Variants in CSMD1 observed in about 807,000 individuals in gnomAD.
The protein encoded by CSMD1 is CUB and sushi domain-containing protein 1.
In CSMD1, 213 loss-of-function variants were observed where a neutral mutation model predicts 417.5. The observed-to-expected ratio is 0.51, with a 90% CI of 0.46 to 0.57. The LOEUF is 0.57. Ranked by LOEUF, CSMD1 falls within the 20% of genes least tolerant of loss-of-function variation. The pLI is 0.00. For synonymous variants in CSMD1, 2,862 were observed against 1,736.8 expected (o/e 1.65, Z -16.11); for missense variants, 6,923 against 4,529.7 (o/e 1.53, Z -15.17).
chr8:4,907,500 T>G (rs908275042), intron 1 of CSMD1, among the ~76,000 whole-genome samples: 19 of 144,970 alleles, frequency 1.3e-4, no homozygotes, highest in Non-Finnish European at 3.0e-5. Flanking sequence ...TCATAACATC[T>G]TACTAGAATT....
At chr8:4,665,886 G>A (rs1358891226) in intron 1 of CSMD1, among the ~76,000 whole-genome samples, 2 of 152,158 alleles carry the variant, frequency 1.3e-5, no homozygotes, top group Non-Finnish European at 2.9e-5. Context: ...AGACCTTGCA[G>A]GATTGTATAG....
At chr8:4,555,259 T>C (rs942961697) in intron 2 of CSMD1, among the ~76,000 whole-genome samples, 12 of 152,132 alleles carry the variant, frequency 7.9e-5, no homozygotes, top group Middle Eastern at 6.3e-3. Flanking sequence ...AGGAGATGGC[T>C]GTTCGGTCAG....
At chr8:3,922,686 T>A (rs990268988) in intron 5 of CSMD1, among the ~76,000 whole-genome samples, 1 of 152,196 alleles carries the variant, frequency 6.6e-6, no homozygotes, top group Non-Finnish European at 1.5e-5. Flanking sequence ...TCCAAATCTG[T>A]ATTTTATGTT....
rs185165106 is a variant in CSMD1, at chr8:4,142,299, A to G, written c.416-110200T>C. ...GTATAAGGTAATGTTTCATGCTCCC[A>G]AAGATTTGCTATCTTTATCCACCTC... On this transcript the variant is annotated intron_variant, in intron 3 of 69. Transcript: ENST00000635120. Among the ~76,000 whole-genome samples, 1,465 of 151,206 alleles carry G rather than the reference A, an allele frequency of 9.7e-3. 12 individuals are homozygous for G. Among genetic ancestry groups the G allele is most frequent in the Non-Finnish European group, 0.016 (1,082 of 68,004 alleles).
chr8:4,805,002 A>G (rs12679612), intron 1 of CSMD1, among the ~76,000 whole-genome samples: 20,657 of 152,148 alleles, frequency 0.14, 1,885 homozygotes, highest in African/African-American at 0.26. Context: ...GGATTAATTT[A>G]AATCTAGTAG....
chr8:4,789,015 G>C (rs77531538), intron 1 of CSMD1, among the ~76,000 whole-genome samples: 6,782 of 152,144 alleles, frequency 0.045, 530 homozygotes, highest in African/African-American at 0.16. Context: ...CTTGAAATCA[G>C]ACTACCAGGG....
At chr8:3,958,835 T>C (rs1054013479) in intron 5 of CSMD1, among the ~76,000 whole-genome samples, 5 of 152,152 alleles carry the variant, frequency 3.3e-5, no homozygotes, top group African/African-American at 9.7e-5. Context: ...GCAGAGGAAA[T>C]TGTGTAGTAG....
At chr8:3,783,886 G>T (rs549627709) in intron 5 of CSMD1, among the ~76,000 whole-genome samples, 1 of 147,238 alleles carries the variant, frequency 6.8e-6, no homozygotes, top group Non-Finnish European at 1.5e-5. Context: ...ACTAGACTCG[G>T]CCATGGTTGT....
Position 3,092,903 on chromosome 8 carries a change from A to G in CSMD1, c.7139-1241T>C, listed in dbSNP as rs80212573. ...TATGGACTGGGAGAATGCAGCTCTC[A>G]TTGTTGTTCATAATACAAATGCTAT... On this transcript the variant is annotated intron_variant, in intron 47 of 69. Coordinates refer to ENST00000635120, the MANE Select transcript of CSMD1 (RefSeq NM_033225.6). Among the ~76,000 whole-genome samples, 4 of 71,786 alleles carry G rather than the reference A, an allele frequency of 5.6e-5. No individual in the cohort carries two copies. The East Asian group carries it at 1.3e-3, about 24-fold the overall frequency. The allele number at this position is 71,786 out of a possible 152,430, so 47.1% of individuals were successfully genotyped here.
intron 7 of CSMD1, among the ~76,000 whole-genome samples, chr8:3,647,550 T>C (rs998939230): frequency 1.3e-5 from 2 of 151,866 alleles, no homozygotes; most frequent in African/African-American, 2.4e-5. Flanking sequence ...TAGAGACAAA[T>C]ACAGCATAAA....
At chr8:3,777,781 ACCC>A in intron 5 of CSMD1, among the ~76,000 whole-genome samples, 1 of 93,266 alleles carries the variant, frequency 1.1e-5, no homozygotes, top group South Asian at 2.9e-4. Context: ...CCCACTCCAG[ACCC>A]ACAGCCTCCT....
intron 40 of CSMD1, among the ~76,000 whole-genome samples, chr8:3,144,176 G>C (rs546787874): frequency 2.6e-5 from 4 of 152,056 alleles, no homozygotes; most frequent in South Asian, 2.1e-4. Context: ...GCAAACTAAG[G>C]CTCTGAAATG....
chr8:3,586,998 C>G (rs1239972421), intron 8 of CSMD1, among the ~76,000 whole-genome samples: 2 of 152,124 alleles, frequency 1.3e-5, no homozygotes, highest in African/African-American at 2.4e-5. Flanking sequence ...CAGAGTTTCA[C>G]CATGTTCGCC....
chr8:3,741,649 A>G (rs1214245539), intron 6 of CSMD1, among the ~76,000 whole-genome samples: 1 of 152,228 alleles, frequency 6.6e-6, no homozygotes, highest in African/African-American at 2.4e-5. Flanking sequence ...CAAAACTGAA[A>G]AGTAATAAGG....
intron 2 of CSMD1, among the ~76,000 whole-genome samples, chr8:4,439,113 C>G (rs897119456): frequency 2.0e-5 from 3 of 151,584 alleles, no homozygotes; most frequent in African/African-American, 4.9e-5. Context: ...ACTAATCAAT[C>G]AAATCAATTA....
At chr8:3,961,650 T>C (rs2740829) in intron 5 of CSMD1, among the ~76,000 whole-genome samples, 1 of 152,056 alleles carries the variant, frequency 6.6e-6, no homozygotes, top group African/African-American at 2.4e-5. Context: ...ACATTCTTGA[T>C]AATAAACAAA....
chr8:2,996,069 C>T (rs556426255), intron 54 of CSMD1, among the ~76,000 whole-genome samples: 21 of 152,228 alleles, frequency 1.4e-4, no homozygotes, highest in Non-Finnish European at 2.6e-4. Flanking sequence ...AAAAGGACCT[C>T]TCTGTATTAT....
At chr8:4,231,834 G>A (rs1801752476) in intron 3 of CSMD1, among the ~76,000 whole-genome samples, 1 of 152,154 alleles carries the variant, frequency 6.6e-6, no homozygotes, top group South Asian at 2.1e-4. Context: ...AAAGCACCCA[G>A]AATATCTGTA....
chr8:4,509,486 T>G (rs1802704101), intron 2 of CSMD1, among the ~76,000 whole-genome samples: 1 of 152,194 alleles, frequency 6.6e-6, no homozygotes, highest in Non-Finnish European at 1.5e-5. Flanking sequence ...GCCATGGGAT[T>G]CTTACTAGAC....
Sources: gnomAD v4.1 joint callset for allele counts (sites outside exome capture counted in the v4.1 genomes callset) on GRCh38, gnomAD v4.1.1 for gene constraint, MANE v1.5 for transcripts, NCBI Gene and HGNC (gene_info 2026-07-23, HGNC 2026-07-21) for gene names.